The following SYNPR variants were observed in gnomAD, a reference collection of about 807,000 sequenced individuals.
The protein encoded by SYNPR is synaptoporin.
In SYNPR, 23 loss-of-function variants were observed where a neutral mutation model predicts 32.9. The ratio of observed to expected loss-of-function variants is 0.70; its 90% confidence interval spans 0.50 to 0.99. The LOEUF is 0.99. Ranked by LOEUF, SYNPR falls within the 50% of genes least tolerant of loss-of-function variation. SYNPR has a pLI of 0.00. For missense variants in SYNPR, 318 were observed against 349.3 expected, an observed-to-expected ratio of 0.91 and a Z score of 0.71; for synonymous variants, 146 against 135.9, an observed-to-expected ratio of 1.07 and a Z score of -0.52.
chr3:63,504,560 C>T (rs772858979), intron 3 of SYNPR, among the ~76,000 whole-genome samples: 1 of 152,082 alleles, frequency 6.6e-6, no homozygotes, highest in Admixed American at 6.6e-5. Flanking sequence ...CGTTCCAAGG[C>T]TAGCCCACCA....
At chr3:63,433,063 T>A (rs1363909676) in intron 2 of SYNPR, among the ~76,000 whole-genome samples, 2 of 152,222 alleles carry the variant, frequency 1.3e-5, no homozygotes, top group African/African-American at 2.4e-5. Flanking sequence ...CATTGCTATG[T>A]GGCTTTGTTC....
intron 2 of SYNPR, among the ~76,000 whole-genome samples, chr3:63,264,129 T>C (rs1395224579): frequency 6.6e-6 from 1 of 152,192 alleles, no homozygotes; most frequent in Non-Finnish European, 1.5e-5. Context: ...GTTCTATGTC[T>C]TCTTGTGATT....
intron 2 of SYNPR, among the ~76,000 whole-genome samples, chr3:63,306,481 C>T (rs147761639): frequency 6.6e-6 from 1 of 151,822 alleles, no homozygotes; most frequent in Admixed American, 6.6e-5. Context: ...TGACAGATCC[C>T]TAGGAATTTT....
At chr3:63,520,557 C>T (rs1701888575) in intron 3 of SYNPR, among the ~76,000 whole-genome samples, 1 of 152,032 alleles carries the variant, frequency 6.6e-6, no homozygotes, top group Admixed American at 6.6e-5. Context: ...CCTGTAATCC[C>T]AGCTACTGAG....
chr3:63,301,447 T>C (rs1233905761), intron 2 of SYNPR, among the ~76,000 whole-genome samples: 1 of 152,108 alleles, frequency 6.6e-6, no homozygotes, highest in Non-Finnish European at 1.5e-5. Flanking sequence ...TATAAGGCTT[T>C]AGCTATTTTT....
intron 3 of SYNPR, among the ~76,000 whole-genome samples, chr3:63,494,309 A>G (rs1022878177): frequency 6.7e-6 from 1 of 149,800 alleles, no homozygotes; most frequent in Non-Finnish European, 1.5e-5. Context: ...CCCTTAAAAA[A>G]GGCTGAAGTG....
chr3:63,535,679 A>G lies in SYNPR; in HGVS notation c.210-20864A>G, dbSNP rs1050504011. Among the ~76,000 whole-genome samples, 25 of 94,018 alleles carry G rather than the reference A, an allele frequency of 2.7e-4. 1 individual carries two copies. Among genetic ancestry groups the G allele is most frequent in the East Asian group, 2.5e-3 (6 of 2,366 alleles). The allele number at this position is 94,018 out of a possible 152,430, so 61.7% of individuals were successfully genotyped here. On this transcript the variant is annotated intron_variant, in intron 3 of 5. Transcript: ENST00000478300. ...AAGAGTACAAGGCATATTAATGGAG[A>G]AAAAAATAGTCTTTTCAACAAAAGG...
chr3:63,385,033 C>G lies in SYNPR; in HGVS notation c.85-95799C>G, dbSNP rs140598445. On this transcript the variant is annotated intron_variant, in intron 2 of 5. Coordinates refer to ENST00000478300, the MANE Select transcript of SYNPR (RefSeq NM_001130003.2). ...CCCATGGCCTCAGCTCTTACAACTA[C>G]AGTTTTATGACCTAATACAAACTAT... Among the ~76,000 whole-genome samples, 11 of 152,286 alleles carry G rather than the reference C, an allele frequency of 7.2e-5. No homozygotes were observed. The South Asian group carries it at 2.3e-3, about 32-fold the overall frequency.
chr3:63,259,477 T>C (rs148657307), intron 2 of SYNPR, among the ~76,000 whole-genome samples: 2,630 of 152,210 alleles, frequency 0.017, 78 homozygotes, highest in African/African-American at 0.061. Flanking sequence ...AAAAACCACA[T>C]GATTATCTCA....
At chr3:63,287,495 C>T (rs1223395811) in intron 2 of SYNPR, among the ~76,000 whole-genome samples, 1 of 152,028 alleles carries the variant, frequency 6.6e-6, no homozygotes, top group Non-Finnish European at 1.5e-5. Context: ...AGAGTAAATG[C>T]AGTGTGAGAG....
chr3:63,273,181 G>A (rs930461784), intron 3 of SYNPR, among the ~76,000 whole-genome samples: 4 of 151,976 alleles, frequency 2.6e-5, no homozygotes, highest in Non-Finnish European at 5.9e-5. Context: ...TTTATGTTTC[G>A]GCAAGAAAAA....
intron 2 of SYNPR, among the ~76,000 whole-genome samples, chr3:63,360,183 C>T (rs886844152): frequency 1.3e-5 from 2 of 152,184 alleles, no homozygotes; most frequent in African/African-American, 4.8e-5. Context: ...AACATACACC[C>T]TTTCACCCAG....
At chr3:63,243,132 T>C (rs2106882446) in intron 1 of SYNPR, among the ~76,000 whole-genome samples, 1 of 152,110 alleles carries the variant, frequency 6.6e-6, no homozygotes, top group South Asian at 2.1e-4. Flanking sequence ...GTAAAGTGAA[T>C]ATATGATATC....
intron 2 of SYNPR, among the ~76,000 whole-genome samples, chr3:63,291,834 C>CTG (rs1389766894): frequency 6.6e-6 from 1 of 151,726 alleles, no homozygotes; most frequent in East Asian, 1.9e-4. Flanking sequence ...TTCTTTCTCT[C>CTG]TCTCTCTCTC....
chr3:63,260,461 A>C (rs1437201495), intron 2 of SYNPR, among the ~76,000 whole-genome samples: 1 of 152,174 alleles, frequency 6.6e-6, no homozygotes, highest in Non-Finnish European at 1.5e-5. Flanking sequence ...ACAAAACAAG[A>C]AATGGGGAAA....
chr3:63,415,700 T>C (rs773351767), intron 2 of SYNPR, among the ~76,000 whole-genome samples: 36 of 152,216 alleles, frequency 2.4e-4, no homozygotes, highest in Middle Eastern at 3.2e-3. Flanking sequence ...CAACCAGTGG[T>C]GTAAGTTGCA....
At chr3:63,286,361 G>A (rs142021370) in intron 2 of SYNPR, among the ~76,000 whole-genome samples, 2 of 152,300 alleles carry the variant, frequency 1.3e-5, no homozygotes, top group African/African-American at 4.8e-5. Flanking sequence ...TCGTACACTT[G>A]AAAGAGACAC....
chr3:63,467,165 C>T (rs1303905681), intron 2 of SYNPR, among the ~76,000 whole-genome samples: 1 of 152,052 alleles, frequency 6.6e-6, no homozygotes, highest in Non-Finnish European at 1.5e-5. Context: ...CGCATGCCAC[C>T]CAGCTGAGCT....
the SYNPR span, among the ~76,000 whole-genome samples, chr3:63,219,943 AG>A: frequency 6.6e-6 from 1 of 152,232 alleles, no homozygotes; most frequent in African/African-American, 2.4e-5. Context: ...CATACAGTTC[AG>A]AACTGTGTTG....
Sources: allele counts gnomAD v4.1 joint callset (sites outside exome capture counted in the v4.1 genomes callset), GRCh38; gene constraint gnomAD v4.1.1; transcripts MANE v1.5; gene names NCBI Gene and HGNC (gene_info 2026-07-23, HGNC 2026-07-21).